The following NECAB1 variants were observed in gnomAD, a reference collection of about 807,000 sequenced individuals.
NECAB1 encodes the protein N-terminal EF-hand calcium binding protein 1, also known as N-terminal EF-hand calcium-binding protein 1.
In NECAB1, 29 loss-of-function variants were observed where a neutral mutation model predicts 57.5. The observed-to-expected ratio is 0.50, with a 90% confidence interval of 0.38 to 0.69. The LOEUF (loss-of-function observed/expected upper bound fraction) is 0.69, where lower values mean the gene tolerates loss of function less well. Among genes scored for constraint, NECAB1 ranks in the 30% least tolerant of loss-of-function variants. NECAB1 has a pLI of 0.00. For missense variants in NECAB1, 372 were observed against 413.8 expected (o/e 0.90, Z 0.88); for synonymous variants, 142 against 147.7 (o/e 0.96, Z 0.28).
chr8:90,841,375 G>A (rs1812452983), intron 3 of NECAB1, among the ~76,000 whole-genome samples: 1 of 152,188 alleles, frequency 6.6e-6, no homozygotes, highest in Non-Finnish European at 1.5e-5. Flanking sequence ...CTCCCTTTCT[G>A]AAGAGGCTTA....
At chr8:90,927,204 C>CTCTTTTTTTTTTTTTTTTTTTTTTTTT (rs10630870) in intron 7 of NECAB1, among the ~76,000 whole-genome samples, 1 of 131,132 alleles carries the variant, frequency 7.6e-6, no homozygotes, top group African/African-American at 3.0e-5. Flanking sequence ...TTTTCTCTCT[C>CTCTTTTTTTTTTTTTTTTTTTTTTTTT]TTTTTTTTTT....
chr8:90,819,631 T>C (rs758537164), intron 2 of NECAB1, among the ~76,000 whole-genome samples: 1 of 151,918 alleles, frequency 6.6e-6, no homozygotes, highest in African/African-American at 2.4e-5. Flanking sequence ...AGTCCTTCTG[T>C]GGTGGTAAGG....
intron 12 of NECAB1, among the ~76,000 whole-genome samples, chr8:90,954,067 A>AAAAT (rs60959508): frequency 0.064 from 9,139 of 142,582 alleles, 351 homozygotes; most frequent in East Asian, 0.088. Flanking sequence ...AGACTGTCTC[A>AAAAT]AAATAAATAA....
At chr8:90,930,003 T>C (rs1292846097) in intron 8 of NECAB1, among the ~76,000 whole-genome samples, 1 of 152,216 alleles carries the variant, frequency 6.6e-6, no homozygotes, top group Non-Finnish European at 1.5e-5. Flanking sequence ...AGAAGGCATT[T>C]ATTATTTTTT....
chr8:90,881,581 G>A (rs1037043935), intron 5 of NECAB1, among the ~76,000 whole-genome samples: 4 of 152,052 alleles, frequency 2.6e-5, no homozygotes, highest in East Asian at 1.9e-4. Context: ...CGCTTCCTCC[G>A]CCCCTCTCCT....
At chr8:90,795,777 T>C (rs1366768237) in intron 1 of NECAB1, among the ~76,000 whole-genome samples, 2 of 151,868 alleles carry the variant, frequency 1.3e-5, no homozygotes, top group Non-Finnish European at 2.9e-5. Flanking sequence ...GTTCAGAGGA[T>C]GGCAGTTAAC....
Position 90,791,809 on chromosome 8 carries a change from C to T in NECAB1, c.-78C>T, listed in dbSNP as rs1811576811. ...CCAGAGCCCGGCGGCGGCGAAGCAGCAGCTGCGGCCGCGCCCTTGCCAGAG... is the reference window on the plus strand; with the variant it reads ...CCAGAGCCCGGCGGCGGCGAAGCAGTAGCTGCGGCCGCGCCCTTGCCAGAG... On this transcript the variant is annotated 5_prime_UTR_variant, in exon 1 of 13. Coordinates refer to ENST00000417640, the MANE Select transcript of NECAB1 (RefSeq NM_022351.5). 4 of 1,193,814 alleles carry T rather than the reference C, an allele frequency of 3.4e-6. No homozygotes were observed. Among genetic ancestry groups the T allele is most frequent in the African/African-American group, 3.1e-5 (2 of 64,942 alleles). 74.0% of individuals were successfully genotyped at this position (1,193,814 alleles called of 1,614,324 possible). A position where few individuals can be genotyped will look rare whatever the true frequency, so the allele number is the denominator to read the frequency against.
intron 9 of NECAB1, among the ~76,000 whole-genome samples, chr8:90,935,483 T>G (rs1810514613): frequency 6.6e-6 from 1 of 152,202 alleles, no homozygotes; most frequent in African/African-American, 2.4e-5. Flanking sequence ...TGGTAGACTT[T>G]CATGGGAAAG....
At chr8:90,879,193 CTT>C (rs769144549) in intron 4 of NECAB1, among the ~76,000 whole-genome samples, 9 of 124,058 alleles carry the variant, frequency 7.3e-5, no homozygotes, top group Middle Eastern at 4.0e-3. Context: ...TTTTCACTTT[CTT>C]TTTTTTTTTT....
intron 6 of NECAB1, among the ~76,000 whole-genome samples, chr8:90,920,531 T>G (rs184627890): frequency 2.0e-5 from 3 of 152,316 alleles, no homozygotes; most frequent in Admixed American, 1.3e-4. Context: ...AAGACAAGAC[T>G]TGAAGTGGAA....
intron 5 of NECAB1, among the ~76,000 whole-genome samples, chr8:90,908,194 C>A (rs1563529096): frequency 6.6e-6 from 1 of 152,094 alleles, no homozygotes; most frequent in African/African-American, 2.4e-5. Flanking sequence ...TGAGTGTTAT[C>A]CTTTGAGTAT....
intron 3 of NECAB1, among the ~76,000 whole-genome samples, chr8:90,864,445 G>A (rs1195267170): frequency 6.6e-6 from 1 of 152,068 alleles, no homozygotes; most frequent in African/African-American, 2.4e-5. Flanking sequence ...GGAAATGTAT[G>A]TCCCATGTGA....
chr8:90,881,109 G>A lies in NECAB1; in HGVS notation c.336G>A (p.Lys112=). ...ALEDLNLSIL[K]AMGKTKKDYQ... ...AAGACCTGAATCTTTCCATCCTGAAGGCAATGGGCAAAACAAAGAAAGTAA... is the reference window on the plus strand; with the variant it reads ...AAGACCTGAATCTTTCCATCCTGAAAGCAATGGGCAAAACAAAGAAAGTAA... Residue 112 remains lysine (K), a synonymous_variant, in exon 5 of 13, where the codon AAG becomes AAA. Coordinates refer to ENST00000417640, the MANE Select transcript of NECAB1 (RefSeq NM_022351.5). 6.2e-7 allele frequency: 1 copy of A among 1,601,920 alleles called. No individual in the cohort carries two copies. Among genetic ancestry groups the A allele is most frequent in the Non-Finnish European group, 8.5e-7 (1 of 1,173,364 alleles).
At chr8:90,944,103 G>C (rs536170600) in intron 10 of NECAB1, among the ~76,000 whole-genome samples, 1 of 152,186 alleles carries the variant, frequency 6.6e-6, no homozygotes, top group Admixed American at 6.5e-5. Context: ...CAGCTTAGAA[G>C]GAACTGGCTC....
intron 1 of NECAB1, among the ~76,000 whole-genome samples, chr8:90,796,634 T>C (rs1811665579): frequency 2.0e-5 from 3 of 152,218 alleles, no homozygotes; most frequent in Admixed American, 6.5e-5. Context: ...AACACAGTAT[T>C]GCCTGTCTTC....
At chr8:90,886,514 T>TTC (rs566059325) in intron 5 of NECAB1, among the ~76,000 whole-genome samples, 3 of 151,846 alleles carry the variant, frequency 2.0e-5, no homozygotes, top group Non-Finnish European at 2.9e-5. Context: ...GTCTTCTCTG[T>TTC]TCTCTCTCTC....
chr8:90,887,292 T>C (rs1435484722), intron 5 of NECAB1, among the ~76,000 whole-genome samples: 7 of 152,332 alleles, frequency 4.6e-5, no homozygotes, highest in Non-Finnish European at 8.8e-5. Flanking sequence ...ACACCTATTG[T>C]TGTTACATAA....
intron 9 of NECAB1, among the ~76,000 whole-genome samples, chr8:90,936,514 C>T (rs1256475403): frequency 6.6e-6 from 1 of 152,150 alleles, no homozygotes; most frequent in Non-Finnish European, 1.5e-5. Context: ...AGCTGAACCC[C>T]TGCAGTTCAA....
At chr8:90,940,371 C>A (rs551219225) in intron 9 of NECAB1, 131 of 158,756 alleles carry the variant, frequency 8.3e-4, no homozygotes, top group Non-Finnish European at 1.3e-3. Context: ...AACAATAGGA[C>A]TTCTCTTTAA....
Sources: allele counts gnomAD v4.1 joint callset (sites outside exome capture counted in the v4.1 genomes callset), GRCh38; gene constraint gnomAD v4.1.1; transcripts MANE v1.5; gene names NCBI Gene and HGNC (gene_info 2026-07-23, HGNC 2026-07-21).